CNOT6L: variants seen among roughly 807,000 people sequenced by gnomAD.
CNOT6L encodes CCR4-NOT transcription complex subunit 6-like.
A neutral mutation model predicts 64.0 loss-of-function variants in CNOT6L; 7 were observed. The observed-to-expected ratio is 0.11, with a 90% CI of 0.06 to 0.21. The LOEUF is 0.21. Among genes scored for constraint, CNOT6L ranks in the 10% least tolerant of loss-of-function variants. The pLI is 1.00. For synonymous variants in CNOT6L, 193 were observed against 243.4 expected, an observed-to-expected ratio of 0.79 and a Z score of 1.93; for missense variants, 245 against 669.0, an observed-to-expected ratio of 0.37 and a Z score of 6.99.
rs143289121 is a variant in CNOT6L at position 77,726,403 on chromosome 4, C to T, written c.1253-34G>A. 318 of 1,529,476 alleles carry T rather than the reference C, an allele frequency of 2.1e-4. 2 individuals are homozygous for T. In the East Asian group the frequency reaches 6.9e-3, roughly 33 times the overall value. 94.7% of individuals were successfully genotyped at this position (1,529,476 alleles called of 1,614,324 possible). A position where few individuals can be genotyped will look rare whatever the true frequency, so the allele number is the denominator to read the frequency against. On this transcript the variant is annotated intron_variant, in intron 10 of 11. Transcript: ENST00000504123. ...ATAAAGAAGAGACACTTCCATTTAG[C>T]ATTTAGACCTTACACAAGGCTTCAC... is the stretch of plus-strand genomic sequence containing the variant.
rs1720920978 is a variant in CNOT6L, at chr4:77,717,985, G to A, written c.*2446C>T. The A allele has an allele frequency of 6.6e-6, 1 of 152,472 alleles. No homozygotes were observed. Among genetic ancestry groups the A allele is most frequent in the Non-Finnish European group, 1.5e-5 (1 of 68,020 alleles). 9.4% of individuals were successfully genotyped at this position (152,472 alleles called of 1,614,324 possible). ...CCCAATTACACACCTTCCTGCAACA[G>A]AGTGCCTCGATCATACACAAAATAA... On this transcript the variant is annotated 3_prime_UTR_variant, in exon 12 of 12. Transcript: ENST00000504123.
At chr4:77,774,489 A>C in intron 3 of CNOT6L, 41 bp downstream of exon 3, 1 of 1,474,330 alleles carries the variant, frequency 6.8e-7, no homozygotes. Context: ...TCTTAAATTT[A>C]GAATTTTATA....
chr4:77,791,853 T>A lies in CNOT6L; in HGVS notation c.6-15461A>T, dbSNP rs115379879. Among the ~76,000 whole-genome samples, 806 of 152,252 alleles carry A rather than the reference T, an allele frequency of 5.3e-3. 7 individuals carry two copies. Among genetic ancestry groups the A allele is most frequent in the African/African-American group, 0.018 (759 of 41,542 alleles). Reference sequence around the variant, plus strand: ...TTGCATCTAAAGGAAACACTGCATGTTCTTAATTTATAGATTCAAGACCAT... The same window carrying A: ...TTGCATCTAAAGGAAACACTGCATGATCTTAATTTATAGATTCAAGACCAT... On this transcript the variant is annotated intron_variant, in intron 1 of 11. Transcript: ENST00000504123.
chr4:77,733,742 A>AT (rs1722673868), intron 8 of CNOT6L, among the ~76,000 whole-genome samples: 1 of 152,012 alleles, frequency 6.6e-6, no homozygotes, highest in African/African-American at 2.4e-5. Flanking sequence ...TTCTTCTCCC[A>AT]TTTTTTCCAT....
chr4:77,727,562 C>CAAAAAAAA (rs55848621), intron 10 of CNOT6L, among the ~76,000 whole-genome samples: 3 of 84,588 alleles, frequency 3.5e-5, no homozygotes, highest in Non-Finnish European at 6.6e-5. Context: ...AACTCTGTCT[C>CAAAAAAAA]AAAAAAAAAA....
At chr4:77,798,763 T>C (rs1378227664) in intron 1 of CNOT6L, among the ~76,000 whole-genome samples, 2 of 151,006 alleles carry the variant, frequency 1.3e-5, no homozygotes, top group African/African-American at 2.4e-5. Context: ...GGTGGGAGGA[T>C]TGCTTGAGCC....
At chr4:77,728,703 A>C (rs1423913921) in intron 10 of CNOT6L, 151 bp downstream of exon 10, 1 of 650,872 alleles carries the variant, frequency 1.5e-6, no homozygotes, top group Non-Finnish European at 2.7e-6. Flanking sequence ...TAGCTTCTTT[A>C]TTAAACTCTC....
intron 10 of CNOT6L, among the ~76,000 whole-genome samples, chr4:77,726,931 T>C (rs1249076982): frequency 6.6e-6 from 1 of 152,234 alleles, no homozygotes. Flanking sequence ...GCATATTATA[T>C]GCCAGAAGTA....
intron 8 of CNOT6L, among the ~76,000 whole-genome samples, chr4:77,733,658 C>T (rs1722665379): frequency 1.3e-5 from 2 of 152,104 alleles, no homozygotes; most frequent in East Asian, 3.9e-4. Context: ...AAAGCTAGGT[C>T]ATTCTTTGGG....
chr4:77,810,539 T>C (rs549988943), intron 1 of CNOT6L, among the ~76,000 whole-genome samples: 2 of 152,298 alleles, frequency 1.3e-5, no homozygotes, highest in East Asian at 3.9e-4. Context: ...TAATTGTATA[T>C]ATATATGGGA....
intron 5 of CNOT6L, among the ~76,000 whole-genome samples, chr4:77,755,232 T>G (rs1017711645): frequency 3.5e-4 from 7 of 20,244 alleles, no homozygotes; most frequent in Admixed American, 6.9e-4. Context: ...AGTTTTTTTT[T>G]TTTTTTTTTT....
intron 4 of CNOT6L, among the ~76,000 whole-genome samples, chr4:77,767,065 A>T (rs1726924303): frequency 1.4e-5 from 2 of 144,032 alleles, no homozygotes; most frequent in South Asian, 4.4e-4. Context: ...TCCGTCTCAA[A>T]AAAAAAAAAA....
Position 77,742,003 on chromosome 4 carries a change from T to A in CNOT6L, c.872+138A>T, listed in dbSNP as rs550723894. On this transcript the variant is annotated intron_variant, in intron 8 of 11. Transcript: ENST00000504123. ...AATACACAGCCTGAGAAATGAAACA[T>A]TAACAACAGTTTTAAGTTGCATAAT... The A allele has an allele frequency of 8.4e-6, 6 of 711,938 alleles. No individual in the cohort carries two copies. The Admixed American group carries it at 9.2e-5, about 11-fold the overall frequency. The allele number at this position is 711,938 out of a possible 1,614,324, so 44.1% of individuals were successfully genotyped here. A position where few individuals can be genotyped will look rare whatever the true frequency, so the allele number is the denominator to read the frequency against.
At chr4:77,735,900 A>G (rs1179915450) in intron 8 of CNOT6L, among the ~76,000 whole-genome samples, 1 of 152,180 alleles carries the variant, frequency 6.6e-6, no homozygotes, top group Non-Finnish European at 1.5e-5. Context: ...TTAAAAATAC[A>G]TGATTAGTTA....
intron 5 of CNOT6L, among the ~76,000 whole-genome samples, chr4:77,753,734 TA>T (rs1401512791): frequency 1.3e-5 from 2 of 151,866 alleles, no homozygotes; most frequent in African/African-American, 4.8e-5. Flanking sequence ...ATCTAGGGTA[TA>T]AAAAGATAAT....
At chr4:77,747,551 A>C (rs1724337604) in intron 6 of CNOT6L, among the ~76,000 whole-genome samples, 1 of 151,958 alleles carries the variant, frequency 6.6e-6, no homozygotes, top group East Asian at 1.9e-4. Flanking sequence ...TTTTAAAATG[A>C]AATTAGATAT....
intron 5 of CNOT6L, among the ~76,000 whole-genome samples, chr4:77,752,406 A>C (rs1379175524): frequency 6.6e-6 from 1 of 152,312 alleles, no homozygotes; most frequent in Non-Finnish European, 1.5e-5. Context: ...AAACAAACTA[A>C]CATATAGGAT....
At chr4:77,737,727 C>A (rs749175758) in intron 8 of CNOT6L, among the ~76,000 whole-genome samples, 6 of 151,922 alleles carry the variant, frequency 3.9e-5, no homozygotes, top group Non-Finnish European at 7.4e-5. Context: ...CTGTACAGCT[C>A]TTTTAACCAC....
intron 11 of CNOT6L, among the ~76,000 whole-genome samples, chr4:77,725,190 T>A (rs1380848495): frequency 6.6e-6 from 1 of 152,206 alleles, no homozygotes; most frequent in Non-Finnish European, 1.5e-5. Flanking sequence ...AGCTGATTAG[T>A]AACAACACAC....
Sources: gnomAD v4.1 joint callset for allele counts (sites outside exome capture counted in the v4.1 genomes callset) on GRCh38, gnomAD v4.1.1 for gene constraint, MANE v1.5 for transcripts, NCBI Gene and HGNC (gene_info 2026-07-23, HGNC 2026-07-21) for gene names.